PPARA: variants seen among roughly 807,000 people sequenced by gnomAD.
PPARA encodes the protein peroxisome proliferator-activated receptor alpha.
A neutral mutation model predicts 42.2 loss-of-function variants in PPARA; 22 were observed. The ratio of observed to expected loss-of-function variants is 0.52; its 90% CI spans 0.37 to 0.74. PPARA has a LOEUF of 0.74. Among genes scored for constraint, PPARA ranks in the 30% least tolerant of loss-of-function variants. The pLI is 0.00. For missense variants in PPARA, 465 were observed against 608.2 expected, an observed-to-expected ratio of 0.76 and a Z score of 2.48; for synonymous variants, 242 against 239.3, an observed-to-expected ratio of 1.01 and a Z score of -0.10.
chr22:46,186,589 G>A (rs1281591782), intron 3 of PPARA, among the ~76,000 whole-genome samples: 4 of 152,070 alleles, frequency 2.6e-5, no homozygotes, highest in Non-Finnish European at 4.4e-5. Flanking sequence ...TAAATTTACA[G>A]TTATTGAAAC....
rs557577886 is a variant in PPARA at position 46,183,563 on chromosome 22, G to A, written c.-43+6727G>A. Among the ~76,000 whole-genome samples the A allele has an allele frequency of 3.9e-5, 6 of 152,260 alleles. No homozygotes were observed. Among genetic ancestry groups the A allele is most frequent in the Non-Finnish European group, 5.9e-5 (4 of 68,028 alleles). ...TTGAGACCAGCCTGGGCAACATGGC[G>A]AAACCCTGTCTATACAAAAAATAGA... is the stretch of plus-strand genomic sequence containing the variant. On this transcript the variant is annotated intron_variant, in intron 3 of 8. Coordinates refer to ENST00000407236, the MANE Select transcript of PPARA (RefSeq NM_005036.6). This position sits in a 1 kb window ranked among gnomAD's most constrained non-coding sequence, Gnocchi z 5.5.
In PPARA at chr22:46,243,252, G is replaced by A. The variant is rs1373365855; in HGVS notation, c.*7872G>A. On this transcript the variant is annotated 3_prime_UTR_variant, in exon 9 of 9. Transcript: ENST00000407236. This position sits in a 1 kb window ranked among gnomAD's most constrained non-coding sequence, Gnocchi z 5.0. ...GGTTGACAGAAACACACGCGAGAATGAGGCAGATCCCAGAGCAAGGACTGG... is the reference window on the plus strand; with the variant it reads ...GGTTGACAGAAACACACGCGAGAATAAGGCAGATCCCAGAGCAAGGACTGG... 1 of 152,246 alleles carries A rather than the reference G, an allele frequency of 6.6e-6. No homozygotes were observed. Among genetic ancestry groups the A allele is most frequent in the African/African-American group, 2.4e-5 (1 of 41,454 alleles). 9.4% of individuals were successfully genotyped at this position (152,246 alleles called of 1,614,324 possible).
In PPARA at chr22:46,207,631, TTTAA is replaced by T. The variant is rs1016207724; in HGVS notation, c.209-7531_209-7528del. On this transcript the variant is annotated intron_variant, in intron 4 of 8. Transcript: ENST00000407236. Reference sequence around the variant, plus strand: ...AAGATGTTCCTACTATCTTCTTGTTTTTAATTAATTAATTTATTATTATTATTAT... The same window carrying T: ...AAGATGTTCCTACTATCTTCTTGTTTTTAATTAATTTATTATTATTATTAT... Among the ~76,000 whole-genome samples the T allele has an allele frequency of 1.4e-4, 20 of 146,838 alleles. No homozygotes were observed. In the South Asian group the frequency reaches 1.5e-3, roughly 11 times the overall value.
rs887881541 is a variant in PPARA, at chr22:46,180,813, G to A, written c.-43+3977G>A. On this transcript the variant is annotated intron_variant, in intron 3 of 8. Coordinates refer to ENST00000407236, the MANE Select transcript of PPARA (RefSeq NM_005036.6). This position sits in a 1 kb window ranked among gnomAD's most constrained non-coding sequence, Gnocchi z 4.2. ...CACTACATTTTCTGGGGGCTCGTCC[G>A]GGATTGGAGATGGCAGATTTTCTGT... Among the ~76,000 whole-genome samples, 7 of 152,180 alleles carry A rather than the reference G, an allele frequency of 4.6e-5. No individual in the cohort carries two copies. In the East Asian group the frequency reaches 7.7e-4, roughly 17 times the overall value.
At chr22:46,209,009 G>A (rs191998450) in intron 4 of PPARA, among the ~76,000 whole-genome samples, 86 of 152,096 alleles carry the variant, frequency 5.7e-4, no homozygotes, top group African/African-American at 2.0e-3. Context: ...TGTGTATAGT[G>A]CTGCAGTAAA....
At chr22:46,176,427 A>G (rs1370947486) in intron 2 of PPARA, among the ~76,000 whole-genome samples, 1 of 152,076 alleles carries the variant, frequency 6.6e-6, no homozygotes, top group Admixed American at 6.5e-5. Flanking sequence ...CGGAGGTTAC[A>G]ATGAGCCAAG....
chr22:46,225,870 C>T lies in PPARA; in HGVS notation c.711+5856C>T, dbSNP rs1601808409. Among the ~76,000 whole-genome samples, 1 of 151,880 alleles carries T rather than the reference C, an allele frequency of 6.6e-6. No homozygotes were observed. Among genetic ancestry groups the T allele is most frequent in the East Asian group, 1.9e-4 (1 of 5,170 alleles). ...ACGCACACACACACATGCACCCACA[C>T]ATGGATACACGCACACTCACACATG... On this transcript the variant is annotated intron_variant, in intron 7 of 8. Coordinates refer to ENST00000407236, the MANE Select transcript of PPARA (RefSeq NM_005036.6). This position sits in a 1 kb window ranked among gnomAD's most constrained non-coding sequence, Gnocchi z 4.1.
Position 46,191,190 on chromosome 22 carries a change from T to C in PPARA, c.-42-7152T>C, listed in dbSNP as rs1281374290. ...GCCTGGGTGACAGAGTGAGACTGCA[T>C]CTATAAAAACAACAACAAAAAAGAA... is the stretch of plus-strand genomic sequence containing the variant. On this transcript the variant is annotated intron_variant, in intron 3 of 8. Coordinates refer to ENST00000407236, the MANE Select transcript of PPARA (RefSeq NM_005036.6). The surrounding 1 kb of genome is among the most constrained non-coding windows in gnomAD (Gnocchi z 4.6). Among the ~76,000 whole-genome samples the C allele has an allele frequency of 6.6e-6, 1 of 152,066 alleles. No homozygotes were observed. Among genetic ancestry groups the C allele is most frequent in the Non-Finnish European group, 1.5e-5 (1 of 68,010 alleles).
rs1932227965 is a variant in PPARA at position 46,196,307 on chromosome 22, G to A, written c.-42-2035G>A. Among the ~76,000 whole-genome samples, 1 of 152,196 alleles carries A rather than the reference G, an allele frequency of 6.6e-6. No homozygotes were observed. Among genetic ancestry groups the A allele is most frequent in the Non-Finnish European group, 1.5e-5 (1 of 68,032 alleles). On this transcript the variant is annotated intron_variant, in intron 3 of 8. Coordinates refer to ENST00000407236, the MANE Select transcript of PPARA (RefSeq NM_005036.6). The surrounding 1 kb of genome is among the most constrained non-coding windows in gnomAD (Gnocchi z 5.6). The stretch of plus-strand genomic sequence containing the variant: ...GGGACTCACCCAGTTAGATTTGTTT[G>A]GACTCCACAAAGTATTCTTGACCAT...
chr22:46,220,942 C>CAA (rs112936777), intron 7 of PPARA, among the ~76,000 whole-genome samples: 45 of 147,748 alleles, frequency 3.0e-4, no homozygotes, highest in African/African-American at 6.4e-4. Flanking sequence ...GACCCTATCT[C>CAA]AAAAAAAAAA....
At chr22:46,197,772 C>T (rs910851730) in intron 3 of PPARA, among the ~76,000 whole-genome samples, 4 of 151,804 alleles carry the variant, frequency 2.6e-5, no homozygotes, top group Non-Finnish European at 4.4e-5. Flanking sequence ...GGCGTGGTGG[C>T]GGGCACCTGT....
At position 46,233,350 on chromosome 22, in the gene PPARA, G is replaced by A. The variant is rs907414539; in HGVS notation, c.1159+1111G>A. On this transcript the variant is annotated intron_variant, in intron 8 of 8. Coordinates refer to ENST00000407236, the MANE Select transcript of PPARA (RefSeq NM_005036.6). The surrounding 1 kb of genome is among the most constrained non-coding windows in gnomAD (Gnocchi z 7.3). The stretch of plus-strand genomic sequence containing the variant: ...CTCCACATTTTTGGCTCGGTGTCAC[G>A]TTCCTTTAAATAGCCCCATCTCAGG... Among the ~76,000 whole-genome samples, 2 of 152,140 alleles carry A rather than the reference G, an allele frequency of 1.3e-5. No homozygotes were observed. Among genetic ancestry groups the A allele is most frequent in the African/African-American group, 2.4e-5 (1 of 41,416 alleles).
chr22:46,159,366 T>C (rs1275545062), intron 2 of PPARA, among the ~76,000 whole-genome samples: 1 of 152,382 alleles, frequency 6.6e-6, no homozygotes, highest in Non-Finnish European at 1.5e-5. Context: ...CCTTGGACTT[T>C]ACAATTTGTG....
At position 46,212,443 on chromosome 22, in the gene PPARA, C is replaced by G. The variant is rs768311989; in HGVS notation, c.209-2730C>G. Among the ~76,000 whole-genome samples the G allele has an allele frequency of 6.6e-6, 1 of 152,200 alleles. No homozygotes were observed. Among genetic ancestry groups the G allele is most frequent in the African/African-American group, 2.4e-5 (1 of 41,456 alleles). Reference sequence around the variant, plus strand: ...CAACCCTGCCTCTCCCACCCCCAGCCAGCTCAGAAATGGTTCTTTTTACCA... The same window carrying G: ...CAACCCTGCCTCTCCCACCCCCAGCGAGCTCAGAAATGGTTCTTTTTACCA... On this transcript the variant is annotated intron_variant, in intron 4 of 8. Transcript: ENST00000407236. This position sits in a 1 kb window ranked among gnomAD's most constrained non-coding sequence, Gnocchi z 4.2.
At position 46,172,150 on chromosome 22, in the gene PPARA, A is replaced by G. The variant is rs553502630; in HGVS notation, c.-126-4603A>G. Among the ~76,000 whole-genome samples the G allele has an allele frequency of 2.7e-4, 41 of 152,084 alleles. No homozygotes were observed. In the South Asian group the frequency reaches 8.3e-3, roughly 31 times the overall value. Reference sequence around the variant, plus strand: ...CCATGCTCGAGAAGAGCCCATCCCCAGGAGGTGATCAGGGTTCTCCTTCAG... The same window carrying G: ...CCATGCTCGAGAAGAGCCCATCCCCGGGAGGTGATCAGGGTTCTCCTTCAG... On this transcript the variant is annotated intron_variant, in intron 2 of 8. Coordinates refer to ENST00000407236, the MANE Select transcript of PPARA (RefSeq NM_005036.6).
At chr22:46,197,551 T>G (rs1052378645) in intron 3 of PPARA, among the ~76,000 whole-genome samples, 3 of 152,176 alleles carry the variant, frequency 2.0e-5, no homozygotes, top group African/African-American at 7.2e-5. Flanking sequence ...TCAGTGGTGC[T>G]CCTGTGTAGA....
rs1339951458 is a variant in PPARA, at chr22:46,237,763, G to T, written c.*2383G>T. 6.6e-6 allele frequency: 1 copy of T among 152,244 alleles called. No homozygotes were observed. Among genetic ancestry groups the T allele is most frequent in the Non-Finnish European group, 1.5e-5 (1 of 68,058 alleles). 9.4% of individuals were successfully genotyped at this position (152,244 alleles called of 1,614,324 possible). Reference sequence around the variant, plus strand: ...CCAAGTGGCCATCCTAATTCAGAAAGAAGCTAGCCTTTGAGTGTCTGTCAT... The same window carrying T: ...CCAAGTGGCCATCCTAATTCAGAAATAAGCTAGCCTTTGAGTGTCTGTCAT... On this transcript the variant is annotated 3_prime_UTR_variant, in exon 9 of 9. Transcript: ENST00000407236. The surrounding 1 kb of genome is among the most constrained non-coding windows in gnomAD (Gnocchi z 6.7).
chr22:46,225,320 A>C lies in PPARA; in HGVS notation c.711+5306A>C, dbSNP rs1935331455. ...ATTTGAGGGTAACAGGGATGGAAGC[A>C]GAGTCAGGGGGCTGAGGGAGGCAAT... On this transcript the variant is annotated intron_variant, in intron 7 of 8. Transcript: ENST00000407236. The surrounding 1 kb of genome is among the most constrained non-coding windows in gnomAD (Gnocchi z 4.1). Among the ~76,000 whole-genome samples the C allele has an allele frequency of 6.6e-6, 1 of 152,180 alleles. No individual in the cohort carries two copies. Among genetic ancestry groups the C allele is most frequent in the African/African-American group, 2.4e-5 (1 of 41,422 alleles).
At position 46,200,600 on chromosome 22, in the gene PPARA, A is replaced by G. The variant is rs1932789696; in HGVS notation, c.208+2009A>G. On this transcript the variant is annotated intron_variant, in intron 4 of 8. Coordinates refer to ENST00000407236, the MANE Select transcript of PPARA (RefSeq NM_005036.6). The surrounding 1 kb of genome is among the most constrained non-coding windows in gnomAD (Gnocchi z 4.8). ...AAATGTCACTGTGCAGTGTGTGACT[A>G]TACAGAAATAAGCTCAGAGAAATTA... Among the ~76,000 whole-genome samples, 1 of 152,254 alleles carries G rather than the reference A, an allele frequency of 6.6e-6. No homozygotes were observed. The highest frequency in any genetic ancestry group is 1.9e-4 in the East Asian group (1 of 5,204).
Sources: allele counts gnomAD v4.1 joint callset (sites outside exome capture counted in the v4.1 genomes callset), GRCh38; gene constraint gnomAD v4.1.1; non-coding constraint Gnocchi (gnomAD v3.1); transcripts MANE v1.5; gene names NCBI Gene and HGNC (gene_info 2026-07-23, HGNC 2026-07-21).